PEBP4: variants seen among roughly 807,000 people sequenced by gnomAD.
PEBP4 encodes the protein phosphatidylethanolamine-binding protein 4.
A neutral mutation model predicts 23.9 loss-of-function variants in PEBP4; 22 were observed. The ratio of observed to expected loss-of-function variants is 0.92; its 90% CI spans 0.66 to 1.31. The LOEUF is 1.31. Ranked by LOEUF, PEBP4 falls within the 40% of genes most tolerant of loss-of-function variation. The pLI is 0.00. For synonymous variants in PEBP4, 112 were observed against 99.3 expected (o/e 1.13, Z -0.76); for missense variants, 324 against 281.7 (o/e 1.15, Z -1.07).
intron 4 of PEBP4, among the ~76,000 whole-genome samples, chr8:22,773,952 G>A (rs370962522): frequency 6.6e-6 from 1 of 152,148 alleles, no homozygotes. Context: ...CTATACACAG[G>A]GGGTAGGGTA....
At chr8:22,759,235 C>A (rs996052668) in intron 4 of PEBP4, among the ~76,000 whole-genome samples, 1 of 149,172 alleles carries the variant, frequency 6.7e-6, no homozygotes, top group Non-Finnish European at 1.5e-5. Flanking sequence ...CTAGAAGAGA[C>A]CCCGCATAGA....
intron 4 of PEBP4, among the ~76,000 whole-genome samples, chr8:22,755,538 G>A (rs1469321808): frequency 6.6e-6 from 1 of 151,958 alleles, no homozygotes; most frequent in African/African-American, 2.4e-5. Flanking sequence ...GTTCTACCAT[G>A]TTGGCCAGTC....
chr8:22,783,748 C>G (rs1482292245), intron 4 of PEBP4, among the ~76,000 whole-genome samples: 1 of 152,236 alleles, frequency 6.6e-6, no homozygotes, highest in Non-Finnish European at 1.5e-5. Flanking sequence ...TCCTCCTGCC[C>G]CAGACTCACA....
intron 4 of PEBP4, among the ~76,000 whole-genome samples, chr8:22,727,810 C>A (rs982624325): frequency 1.3e-5 from 2 of 152,194 alleles, no homozygotes; most frequent in Non-Finnish European, 2.9e-5. Flanking sequence ...AGCCCACAAC[C>A]CTGGGGCAGT....
intron 1 of PEBP4, among the ~76,000 whole-genome samples, chr8:22,934,146 T>C (rs189716247): frequency 1.6e-4 from 24 of 152,270 alleles, no homozygotes; most frequent in South Asian, 6.2e-4. Context: ...ACACCACCCA[T>C]TGGGCCCCAC....
intron 3 of PEBP4, among the ~76,000 whole-genome samples, chr8:22,858,327 T>C (rs2128768254): frequency 6.6e-6 from 1 of 152,356 alleles, no homozygotes; most frequent in East Asian, 1.9e-4. Context: ...GGAGTTAACA[T>C]GGCCTTAATG....
chr8:22,720,824 A>G (rs1475942495), intron 6 of PEBP4, among the ~76,000 whole-genome samples: 1 of 152,142 alleles, frequency 6.6e-6, no homozygotes, highest in Non-Finnish European at 1.5e-5. Flanking sequence ...ATAGAGCTAC[A>G]CCAGGGTGAC....
chr8:22,780,193 A>G (rs1805887385), intron 4 of PEBP4, among the ~76,000 whole-genome samples: 1 of 152,116 alleles, frequency 6.6e-6, no homozygotes, highest in South Asian at 2.1e-4. Flanking sequence ...CAAACTCCTA[A>G]GCTCAAGCAA....
chr8:22,878,587 C>T (rs997229115), intron 3 of PEBP4, among the ~76,000 whole-genome samples: 2 of 152,170 alleles, frequency 1.3e-5, no homozygotes, highest in Admixed American at 6.5e-5. Flanking sequence ...CTTCCCTCTC[C>T]GGGCCTGGCA....
intron 4 of PEBP4, among the ~76,000 whole-genome samples, chr8:22,729,679 T>A (rs1455945527): frequency 6.6e-6 from 1 of 152,238 alleles, no homozygotes; most frequent in African/African-American, 2.4e-5. Context: ...ACCCAGCAGA[T>A]CCTGTGCTTG....
intron 4 of PEBP4, chr8:22,745,844 C>A (rs566644456): frequency 6.6e-6 from 1 of 152,220 alleles, no homozygotes. Flanking sequence ...CACAACAGCC[C>A]GCGAGGCAGG....
At chr8:22,774,125 C>G (rs1179856295) in intron 4 of PEBP4, among the ~76,000 whole-genome samples, 2 of 152,348 alleles carry the variant, frequency 1.3e-5, no homozygotes, top group African/African-American at 4.8e-5. Context: ...CTGTCGATCA[C>G]AGCATGCTGC....
chr8:22,866,544 T>C (rs1404899768), intron 3 of PEBP4, among the ~76,000 whole-genome samples: 1 of 152,124 alleles, frequency 6.6e-6, no homozygotes, highest in African/African-American at 2.4e-5. Context: ...CCACCAGGAT[T>C]TGAACCCAGA....
At chr8:22,909,390 C>T (rs1202699918) in intron 3 of PEBP4, among the ~76,000 whole-genome samples, 3 of 152,208 alleles carry the variant, frequency 2.0e-5, no homozygotes, top group Non-Finnish European at 4.4e-5. Context: ...GTCAGGTTAG[C>T]AGTGCAGACC....
chr8:22,856,482 C>G (rs760967084), intron 3 of PEBP4, among the ~76,000 whole-genome samples: 1 of 152,074 alleles, frequency 6.6e-6, no homozygotes, highest in Non-Finnish European at 1.5e-5. Flanking sequence ...TTTGGGAGGC[C>G]GAGGCAGGCG....
intron 3 of PEBP4, among the ~76,000 whole-genome samples, chr8:22,819,547 G>A (rs1806814272): frequency 6.6e-6 from 1 of 152,170 alleles, no homozygotes; most frequent in African/African-American, 2.4e-5. Context: ...AAGGACAGCT[G>A]AGACATGGAG....
rs192007170 is a variant in PEBP4 at position 22,842,285 on chromosome 8, G to A, written c.259-24550C>T. Among the ~76,000 whole-genome samples the A allele has an allele frequency of 1.8e-3, 275 of 152,110 alleles. 1 individual carries two copies. Among genetic ancestry groups the A allele is most frequent in the African/African-American group, 6.1e-3 (254 of 41,452 alleles). The stretch of plus-strand genomic sequence containing the variant: ...TTCACAGTGGATTCTTGGGTAGATC[G>A]TGACTTTTAGGAGGGGATCCCTAAG... On this transcript the variant is annotated intron_variant, in intron 3 of 6. Coordinates refer to ENST00000256404, the MANE Select transcript of PEBP4 (RefSeq NM_144962.3).
chr8:22,741,499 C>T (rs1804994545), intron 4 of PEBP4, among the ~76,000 whole-genome samples: 1 of 152,218 alleles, frequency 6.6e-6, no homozygotes, highest in South Asian at 2.1e-4. Context: ...TGAGCCTGTG[C>T]TCAGTGAACT....
In PEBP4 at chr8:22,796,948, A is replaced by T. The variant is rs1806272713; in HGVS notation, c.357+20689T>A. 3.7e-5 allele frequency among the ~76,000 whole-genome samples: 5 copies of T among 136,860 alleles called. No individual in the cohort carries two copies. In the South Asian group the frequency reaches 9.8e-4, roughly 27 times the overall value. The allele number at this position is 136,860 out of a possible 152,430, so 89.8% of individuals were successfully genotyped here. A position where few individuals can be genotyped will look rare whatever the true frequency, so the allele number is the denominator to read the frequency against. On this transcript the variant is annotated intron_variant, in intron 4 of 6. Transcript: ENST00000256404. ...CTTGTACCCCTAAATCTATAAAAAT[A>T]AAAATTAAAAAAAAAAAAACAAATT...
Sources: gnomAD v4.1 joint callset for allele counts (sites outside exome capture counted in the v4.1 genomes callset) on GRCh38, gnomAD v4.1.1 for gene constraint, MANE v1.5 for transcripts, NCBI Gene and HGNC (gene_info 2026-07-23, HGNC 2026-07-21) for gene names.